Variants in ME1 observed in about 807,000 individuals in gnomAD.
The protein encoded by ME1 is NADP-dependent malic enzyme.
ME1 carries 74 observed loss-of-function variants against 66.4 expected under a neutral mutation model. The observed-to-expected ratio is 1.11, with a 90% CI of 0.92 to 1.35. The LOEUF (loss-of-function observed/expected upper bound fraction) is 1.35, where lower values mean the gene tolerates loss of function less well. Among genes scored for constraint, ME1 ranks in the 40% most tolerant of loss-of-function variants. The pLI is 0.00. For synonymous variants in ME1, 251 were observed against 235.6 expected, an observed-to-expected ratio of 1.07 and a Z score of -0.60; for missense variants, 750 against 694.1, an observed-to-expected ratio of 1.08 and a Z score of -0.90.
chr6:83,362,987 A>G (rs1207052638), intron 3 of ME1, among the ~76,000 whole-genome samples: 1 of 152,156 alleles, frequency 6.6e-6, no homozygotes, highest in African/African-American at 2.4e-5. Context: ...TCACAGTTAC[A>G]ATGCCAACTA....
At chr6:83,397,982 G>C (rs959468762) in intron 3 of ME1, among the ~76,000 whole-genome samples, 3 of 152,144 alleles carry the variant, frequency 2.0e-5, no homozygotes, top group African/African-American at 7.2e-5. Context: ...GAGAAAGGTA[G>C]GGGGAGCGGG....
intron 5 of ME1, among the ~76,000 whole-genome samples, chr6:83,319,475 C>A (rs1318267285): frequency 6.6e-6 from 1 of 151,992 alleles, no homozygotes; most frequent in Non-Finnish European, 1.5e-5. Context: ...AATCTGATAA[C>A]AGAGAAGGCC....
chr6:83,331,688 C>A (rs1199470610), intron 5 of ME1, among the ~76,000 whole-genome samples: 1 of 151,704 alleles, frequency 6.6e-6, no homozygotes, highest in Non-Finnish European at 1.5e-5. Context: ...GTCAAGGACA[C>A]AAACCACAGA....
chr6:83,268,691 A>G (rs987303954), intron 6 of ME1, among the ~76,000 whole-genome samples: 1 of 151,520 alleles, frequency 6.6e-6, no homozygotes, highest in African/African-American at 2.4e-5. Flanking sequence ...TTAGCCCCAT[A>G]AGTATCTGGG....
intron 6 of ME1, among the ~76,000 whole-genome samples, chr6:83,310,382 C>T (rs1767908107): frequency 6.6e-6 from 1 of 152,230 alleles, no homozygotes; most frequent in African/African-American, 2.4e-5. Context: ...ACTTCTCCTT[C>T]TGCCCATTCC....
chr6:83,322,377 T>A (rs1046889615), intron 5 of ME1, among the ~76,000 whole-genome samples: 2 of 152,148 alleles, frequency 1.3e-5, no homozygotes, highest in African/African-American at 4.8e-5. Context: ...GAGCATGTTC[T>A]AACTCAATGC....
At chr6:83,349,377 G>A (rs1401744994) in intron 4 of ME1, among the ~76,000 whole-genome samples, 4 of 152,036 alleles carry the variant, frequency 2.6e-5, no homozygotes, top group East Asian at 1.9e-4. Context: ...TTTTCTGTAC[G>A]ATAATTAAGT....
At chr6:83,281,101 G>T (rs536252283) in intron 6 of ME1, among the ~76,000 whole-genome samples, 27 of 152,248 alleles carry the variant, frequency 1.8e-4, no homozygotes, top group Admixed American at 1.5e-3. Flanking sequence ...ACATTAAAAG[G>T]TGTTTAGAAT....
At chr6:83,217,678 G>T (rs941700367) in intron 12 of ME1, among the ~76,000 whole-genome samples, 4 of 152,176 alleles carry the variant, frequency 2.6e-5, no homozygotes, top group African/African-American at 9.7e-5. Flanking sequence ...GGCTTGAAAG[G>T]CAAACCTACA....
intron 2 of ME1, among the ~76,000 whole-genome samples, chr6:83,403,059 G>A (rs1769866546): frequency 6.6e-6 from 1 of 152,126 alleles, no homozygotes; most frequent in African/African-American, 2.4e-5. Context: ...TAGTATTTAA[G>A]TACTGCTAAC....
chr6:83,348,910 G>A (rs1768739757), intron 4 of ME1, among the ~76,000 whole-genome samples: 1 of 149,484 alleles, frequency 6.7e-6, no homozygotes, highest in Non-Finnish European at 1.5e-5. Context: ...CTTGAACCTA[G>A]GAGGCGGAGG....
At chr6:83,252,453 T>A (rs533746612) in intron 7 of ME1, among the ~76,000 whole-genome samples, 3 of 152,216 alleles carry the variant, frequency 2.0e-5, no homozygotes, top group East Asian at 1.9e-4. Context: ...GCACACACCA[T>A]CATGCCAGGC....
intron 6 of ME1, among the ~76,000 whole-genome samples, chr6:83,254,571 C>T (rs945492296): frequency 1.3e-5 from 2 of 152,148 alleles, no homozygotes; most frequent in Admixed American, 1.3e-4. Context: ...AGTCTCTTAC[C>T]AGTCACTACC....
At chr6:83,393,588 A>G (rs1226282731) in intron 3 of ME1, among the ~76,000 whole-genome samples, 5 of 134,810 alleles carry the variant, frequency 3.7e-5, no homozygotes, top group African/African-American at 1.0e-4. Context: ...TGTACCATCA[A>G]TAAAATCCCC....
chr6:83,272,394 A>G (rs1019001516), intron 6 of ME1, among the ~76,000 whole-genome samples: 1 of 152,174 alleles, frequency 6.6e-6, no homozygotes, highest in African/African-American at 2.4e-5. Context: ...ACCAATTTCA[A>G]GTGTTACAGA....
At chr6:83,275,711 C>T (rs1308576385) in intron 6 of ME1, among the ~76,000 whole-genome samples, 4 of 146,318 alleles carry the variant, frequency 2.7e-5, no homozygotes, top group Non-Finnish European at 3.0e-5. Context: ...GTGATCCGCC[C>T]GCCTCGGCCT....
At chr6:83,358,252 A>G (rs533780507) in intron 3 of ME1, among the ~76,000 whole-genome samples, 1 of 152,054 alleles carries the variant, frequency 6.6e-6, no homozygotes, top group Admixed American at 6.5e-5. Flanking sequence ...TATGCATTTG[A>G]CACTCCCGAT....
At chr6:83,352,041 A>T in intron 4 of ME1, 23 bp downstream of exon 4, 1 of 1,514,384 alleles carries the variant, frequency 6.6e-7, no homozygotes, top group Non-Finnish European at 9.0e-7. Flanking sequence ...AATTTGCTAT[A>T]GTGGAAAAAC....
At chr6:83,424,292 GA>G (rs1458318677) in intron 1 of ME1, among the ~76,000 whole-genome samples, 2 of 152,008 alleles carry the variant, frequency 1.3e-5, no homozygotes, top group Admixed American at 1.3e-4. Context: ...AGTTGACTGT[GA>G]AAAGTTCGGT....
Sources: gnomAD v4.1 joint callset for allele counts (sites outside exome capture counted in the v4.1 genomes callset) on GRCh38, gnomAD v4.1.1 for gene constraint, MANE v1.5 for transcripts, NCBI Gene and HGNC (gene_info 2026-07-23, HGNC 2026-07-21) for gene names.